The following CDKN2A variants were observed in gnomAD, a reference collection of about 807,000 sequenced individuals.
CDKN2A encodes cyclin dependent kinase inhibitor 2A, also known as cyclin-dependent kinase inhibitor 2A.
Under a neutral mutation model 11.1 loss-of-function variants are expected in CDKN2A, and 3 were observed. The observed-to-expected ratio is 0.27, with a 90% CI of 0.12 to 0.70. CDKN2A has a LOEUF of 0.70. Ranked by LOEUF, CDKN2A falls within the 30% of genes least tolerant of loss-of-function variation. The pLI is 0.77. For synonymous variants in CDKN2A, 122 were observed against 108.1 expected, an observed-to-expected ratio of 1.13 and a Z score of -0.80; for missense variants, 265 against 233.6, an observed-to-expected ratio of 1.13 and a Z score of -0.88.
At chr9:21,980,195 C>CA (rs142424355) in intron 2 of CDKN2A, among the ~76,000 whole-genome samples, 7,218 of 152,208 alleles carry the variant, frequency 0.047, 573 homozygotes, top group African/African-American at 0.16. Context: ...CCATAATTTT[C>CA]AAAATGGGCT....
In CDKN2A at chr9:21,968,442, G is replaced by A; in HGVS notation, c.458-200C>T. The A allele has an allele frequency of 1.3e-6, 2 of 1,494,544 alleles. No homozygotes were observed. The highest frequency in any genetic ancestry group is 1.3e-5 in the South Asian group (1 of 75,974). The allele number at this position is 1,494,544 out of a possible 1,614,324, so 92.6% of individuals were successfully genotyped here. A position where few individuals can be genotyped will look rare whatever the true frequency, so the allele number is the denominator to read the frequency against. On this transcript the variant is annotated intron_variant, in intron 2 of 2. Coordinates refer to ENST00000304494, the MANE Select transcript of CDKN2A (RefSeq NM_000077.5). This position sits in a 1 kb window ranked among gnomAD's most constrained non-coding sequence, Gnocchi z 4.7. The stretch of plus-strand genomic sequence containing the variant: ...CAGCAGCTAGTCCACTGCCCGCCTG[G>A]CTGCTCCAGGCGCGCCGACCGCTCA...
chr9:21,994,078 A>G, intron 1 of CDKN2A: 1 of 1,547,138 alleles, frequency 6.5e-7, no homozygotes, highest in South Asian at 1.1e-5. Context: ...TCTGTTTACG[A>G]AATCACACCA....
chr9:21,968,520 G>A lies in CDKN2A; in HGVS notation c.458-278C>T, dbSNP rs45502295. On this transcript the variant is annotated intron_variant, in intron 2 of 2. Transcript: ENST00000304494. The surrounding 1 kb of genome is among the most constrained non-coding windows in gnomAD (Gnocchi z 4.7). ...CAGAGAAAGCGCGACCGCGCGGCCC[G>A]CAGGGTTGCAAGAAGAAAACGAGTG... is the stretch of plus-strand genomic sequence containing the variant. 3,229 of 1,450,652 alleles carry A rather than the reference G, an allele frequency of 2.2e-3. 7 individuals are homozygous for A. The highest frequency in any genetic ancestry group is 2.7e-3 in the Non-Finnish European group (2,968 of 1,109,042). 89.9% of individuals were successfully genotyped at this position (1,450,652 alleles called of 1,614,324 possible).
intron 2 of CDKN2A, chr9:21,989,863 G>A (rs1241613985): frequency 1.3e-5 from 2 of 152,212 alleles, no homozygotes; most frequent in African/African-American, 2.4e-5. Flanking sequence ...CGGAAAGTGC[G>A]CGCGGTGGAG....
In CDKN2A at chr9:21,967,995, TTTC is replaced by T; in HGVS notation, c.*231_*233del. The T allele has an allele frequency of 1.8e-6, 1 of 548,204 alleles. No individual in the cohort carries two copies. Among genetic ancestry groups the T allele is most frequent in the Admixed American group, 3.1e-5 (1 of 32,554 alleles). 34.0% of individuals were successfully genotyped at this position (548,204 alleles called of 1,614,324 possible). A position where few individuals can be genotyped will look rare whatever the true frequency, so the allele number is the denominator to read the frequency against. On this transcript the variant is annotated 3_prime_UTR_variant, in exon 3 of 3. Coordinates refer to ENST00000304494, the MANE Select transcript of CDKN2A (RefSeq NM_000077.5). ...ACAGTGAAAAGGCAGAAGCGGTGTTTTTCTTTTTTACATTTTTATAAGAATATA... is the reference window on the plus strand; with the variant it reads ...ACAGTGAAAAGGCAGAAGCGGTGTTTTTTTTTACATTTTTATAAGAATATA...
rs1820363094 is a variant in CDKN2A at position 21,988,988 on chromosome 9, T to A, written c.-4+4894A>T. ...CTTTCTTCATAATGCCGTCCTTGACTAACTCTCCTCTAGCAATACTATTGG... is the reference window on the plus strand; with the variant it reads ...CTTTCTTCATAATGCCGTCCTTGACAAACTCTCCTCTAGCAATACTATTGG... On this transcript the variant is annotated intron_variant, in intron 2 of 3. Coordinates refer to the CDKN2A transcript ENST00000494262. The surrounding 1 kb of genome is among the most constrained non-coding windows in gnomAD (Gnocchi z 4.1). Among the ~76,000 whole-genome samples, 1 of 152,264 alleles carries A rather than the reference T, an allele frequency of 6.6e-6. No homozygotes were observed. Among genetic ancestry groups the A allele is most frequent in the Non-Finnish European group, 1.5e-5 (1 of 68,048 alleles).
chr9:21,987,426 CACACACAGAGAGAGAGAGAGAG>C (rs1392207370), intron 2 of CDKN2A, among the ~76,000 whole-genome samples: 9 of 121,630 alleles, frequency 7.4e-5, no homozygotes, highest in Middle Eastern at 7.7e-3. Context: ...CACACACACA[CACACACAGAGAGAGAGAGAGAG>C]AGAGAGAGAT....
At chr9:21,993,697 C>T (rs1041560748) in intron 2 of CDKN2A, among the ~76,000 whole-genome samples, 3 of 152,070 alleles carry the variant, frequency 2.0e-5, no homozygotes, top group African/African-American at 7.2e-5. Context: ...GTGACCCCGC[C>T]GGGAGGCTGG....
At chr9:21,969,469 G>T (rs1819584620) in intron 2 of CDKN2A, 2 of 336,472 alleles carry the variant, frequency 5.9e-6, no homozygotes, top group Non-Finnish European at 1.1e-5. Context: ...GGCTGATCAC[G>T]CAGTAGAATC....
Position 21,981,124 on chromosome 9 carries a change from GTA to G in CDKN2A, c.-3-9918_-3-9917del, listed in dbSNP as rs768582645. ...TATACGTGTATATATATATATACGT[GTA>G]TATATATATATACGTGTATATATAT... On this transcript the variant is annotated intron_variant, in intron 2 of 3. Transcript: ENST00000494262. 6.2e-3 allele frequency among the ~76,000 whole-genome samples: 15 copies of G among 2,416 alleles called. 7 individuals are homozygous for G. The highest frequency in any genetic ancestry group is 6.3e-3 in the Non-Finnish European group (6 of 956). The allele number at this position is 2,416 out of a possible 152,430, so 1.6% of individuals were successfully genotyped here. A position where few individuals can be genotyped will look rare whatever the true frequency, so the allele number is the denominator to read the frequency against.
intron 2 of CDKN2A, among the ~76,000 whole-genome samples, chr9:21,985,081 C>T (rs1820271069): frequency 6.6e-6 from 1 of 151,926 alleles, no homozygotes; most frequent in Admixed American, 6.6e-5. Flanking sequence ...CATGTTTTAG[C>T]ACTTTTCACA....
intron 2 of CDKN2A, among the ~76,000 whole-genome samples, chr9:21,983,238 C>T (rs1820236019): frequency 6.6e-6 from 1 of 152,150 alleles, no homozygotes; most frequent in South Asian, 2.1e-4. Context: ...CTGATTAAAG[C>T]TCACATATTT....
intron 2 of CDKN2A, among the ~76,000 whole-genome samples, chr9:21,986,923 TGA>T (rs1191126881): frequency 6.6e-6 from 1 of 151,876 alleles, no homozygotes; most frequent in Non-Finnish European, 1.5e-5. Flanking sequence ...TTAAATTGGG[TGA>T]GAGAGTTATA....
intron 2 of CDKN2A, chr9:21,970,165 A>T (rs1033557554): frequency 2.8e-5 from 7 of 247,926 alleles, no homozygotes; most frequent in Non-Finnish European, 5.4e-5. Flanking sequence ...GGGGCCATGG[A>T]ATGGGGGCGG....
At chr9:21,974,861 C>A (rs1800586), upstream of CDKN2A, 91 of 1,509,400 alleles carry the variant, frequency 6.0e-5, no homozygotes, top group Admixed American at 1.1e-4. This position sits in a 1 kb window ranked among gnomAD's most constrained non-coding sequence, Gnocchi z 5.2. Flanking sequence ...TGCTCTCCCC[C>A]TCTCCGCAGC....
upstream of CDKN2A, among the ~76,000 whole-genome samples, chr9:21,977,531 A>T (rs1055742701): frequency 6.6e-6 from 1 of 152,082 alleles, no homozygotes; most frequent in African/African-American, 2.4e-5. Context: ...ATACCCAGCT[A>T]ATTTTTGTAT....
chr9:21,974,954 C>G (rs1320314263), upstream of CDKN2A: 1 of 1,419,074 alleles, frequency 7.0e-7, no homozygotes, highest in Non-Finnish European at 9.1e-7. The surrounding 1 kb of genome is among the most constrained non-coding windows in gnomAD (Gnocchi z 5.2). Flanking sequence ...CGGAAGAGCC[C>G]CCTCCGACCC....
At position 21,988,122 on chromosome 9, in the gene CDKN2A, A is replaced by T. The variant is rs147954249; in HGVS notation, c.-4+5760T>A. On this transcript the variant is annotated intron_variant, in intron 2 of 3. Coordinates refer to the CDKN2A transcript ENST00000494262. This position sits in a 1 kb window ranked among gnomAD's most constrained non-coding sequence, Gnocchi z 4.1. ...GATTTTATTAGTTTCAATTTGCTTAAGAGATTACATGTCTTTGTTCATGTA... is the reference window on the plus strand; with the variant it reads ...GATTTTATTAGTTTCAATTTGCTTATGAGATTACATGTCTTTGTTCATGTA... Among the ~76,000 whole-genome samples the T allele has an allele frequency of 2.1e-3, 325 of 152,328 alleles. 2 individuals carry two copies. In the Middle Eastern group the frequency reaches 0.034, roughly 16 times the overall value.
rs1820180801 is a variant in CDKN2A at position 21,981,092 on chromosome 9, GTATATATATACGTGTA to G, written c.-3-9900_-3-9885del. Reference sequence around the variant, plus strand: ...TATACGTGTATATATATATATACGTGTATATATATACGTGTATATATATATATACGTGTATATATAT... The same window carrying G: ...TATACGTGTATATATATATATACGTGTATATATATATACGTGTATATATAT... On this transcript the variant is annotated intron_variant, in intron 2 of 3. Coordinates refer to the CDKN2A transcript ENST00000494262. Among the ~76,000 whole-genome samples the G allele has an allele frequency of 2.2e-3, 32 of 14,778 alleles. 15 individuals are homozygous for G. In the East Asian group the frequency reaches 0.039, roughly 18 times the overall value. The allele number at this position is 14,778 out of a possible 152,430, so 9.7% of individuals were successfully genotyped here.
Sources: allele counts gnomAD v4.1 joint callset (sites outside exome capture counted in the v4.1 genomes callset), GRCh38; gene constraint gnomAD v4.1.1; non-coding constraint Gnocchi (gnomAD v3.1); transcripts MANE v1.5; gene names NCBI Gene and HGNC (gene_info 2026-07-23, HGNC 2026-07-21).